Variants in BTBD9 observed in about 807,000 individuals in gnomAD.
The protein encoded by BTBD9 is BTB domain containing 9.
A neutral mutation model predicts 64.3 loss-of-function variants in BTBD9; 49 were observed. The ratio of observed to expected loss-of-function variants is 0.76; its 90% CI spans 0.61 to 0.97. The LOEUF (loss-of-function observed/expected upper bound fraction) is 0.97, where lower values mean the gene tolerates loss of function less well. BTBD9 is among the 50% of genes least tolerant of loss of function. The probability of loss-of-function intolerance (pLI) is 0.00; values close to 1 mark genes in which losing one functional copy is unlikely to be tolerated. For missense variants in BTBD9, 598 were observed against 762.1 expected (o/e 0.78, Z 2.53); for synonymous variants, 260 against 274.7 (o/e 0.95, Z 0.53).
intron 6 of BTBD9, among the ~76,000 whole-genome samples, chr6:38,406,173 A>G (rs1481250458): frequency 6.6e-6 from 1 of 152,240 alleles, no homozygotes; most frequent in African/African-American, 2.4e-5. Flanking sequence ...TCTGTAGGAC[A>G]GGGACCTAGC....
At chr6:38,238,490 T>TTTTTTC (rs1763872055) in intron 9 of BTBD9, among the ~76,000 whole-genome samples, 1 of 150,354 alleles carries the variant, frequency 6.7e-6, no homozygotes, top group Non-Finnish European at 1.5e-5. Flanking sequence ...TTTTTTTTTT[T>TTTTTTC]GAGACGGAGT....
At chr6:38,305,644 G>A (rs966251818) in intron 7 of BTBD9, among the ~76,000 whole-genome samples, 2 of 151,978 alleles carry the variant, frequency 1.3e-5, no homozygotes, top group Admixed American at 6.6e-5. Context: ...ACCACACCGG[G>A]CTAATTTTTT....
intron 6 of BTBD9, among the ~76,000 whole-genome samples, chr6:38,488,183 TC>T: frequency 6.6e-6 from 1 of 152,094 alleles, no homozygotes; most frequent in East Asian, 1.9e-4. Flanking sequence ...CCTCCTGGCT[TC>T]AAGCTATCCT....
At chr6:38,639,197 A>C (rs933526597) in intron 1 of BTBD9, among the ~76,000 whole-genome samples, 6 of 152,344 alleles carry the variant, frequency 3.9e-5, no homozygotes, top group Middle Eastern at 3.4e-3. Context: ...ACAATGTACT[A>C]AAACGCCAAG....
chr6:38,601,956 T>C (rs896633713), intron 1 of BTBD9, among the ~76,000 whole-genome samples: 6 of 152,132 alleles, frequency 3.9e-5, no homozygotes, highest in Non-Finnish European at 4.4e-5. Flanking sequence ...GCAAAACACA[T>C]GTAACATGTA....
chr6:38,582,638 G>C (rs1037027497), intron 4 of BTBD9, among the ~76,000 whole-genome samples: 2 of 151,956 alleles, frequency 1.3e-5, no homozygotes, highest in African/African-American at 4.8e-5. Flanking sequence ...AATTGCCTTA[G>C]ACCCAGAGGA....
At chr6:38,412,928 C>G (rs1767502727) in intron 6 of BTBD9, among the ~76,000 whole-genome samples, 1 of 152,156 alleles carries the variant, frequency 6.6e-6, no homozygotes, top group South Asian at 2.1e-4. Context: ...AATTCCCAGT[C>G]TAGCCCACTG....
At chr6:38,436,534 C>A (rs1174113610) in intron 6 of BTBD9, among the ~76,000 whole-genome samples, 2 of 151,642 alleles carry the variant, frequency 1.3e-5, no homozygotes, top group Non-Finnish European at 2.9e-5. Flanking sequence ...CGAAACCACG[C>A]CCAGCTAATT....
intron 1 of BTBD9, among the ~76,000 whole-genome samples, chr6:38,606,422 TAATAAGAA>T (rs922421665): frequency 1.3e-5 from 2 of 152,002 alleles, no homozygotes; most frequent in Non-Finnish European, 2.9e-5. Flanking sequence ...CACAAGCAAA[TAATAAGAA>T]AATGGCCAAT....
intron 9 of BTBD9, among the ~76,000 whole-genome samples, chr6:38,222,267 T>TG (rs1763229448): frequency 7.2e-6 from 1 of 138,988 alleles, no homozygotes; most frequent in Non-Finnish European, 1.6e-5. Flanking sequence ...GTTTTTTTTT[T>TG]TTTTTTTTTT....
chr6:38,351,498 A>ATTG (rs756187384), intron 6 of BTBD9, among the ~76,000 whole-genome samples: 31 of 130,588 alleles, frequency 2.4e-4, no homozygotes, highest in African/African-American at 8.1e-4. Flanking sequence ...CAAATATTTA[A>ATTG]TTGTTGTTGT....
At chr6:38,300,581 TG>T (rs1401487247) in intron 7 of BTBD9, among the ~76,000 whole-genome samples, 3 of 152,154 alleles carry the variant, frequency 2.0e-5, no homozygotes, top group African/African-American at 7.2e-5. Context: ...TCACATCCCT[TG>T]TAAGTTGGAT....
intron 7 of BTBD9, among the ~76,000 whole-genome samples, chr6:38,318,047 GC>G (rs966283744): frequency 2.7e-5 from 4 of 148,948 alleles, no homozygotes; most frequent in Admixed American, 1.4e-4. Flanking sequence ...CGATTCTCCT[GC>G]CTCACCTGGC....
intron 9 of BTBD9, among the ~76,000 whole-genome samples, chr6:38,212,212 A>C (rs1394071330): frequency 2.0e-5 from 3 of 152,198 alleles, no homozygotes; most frequent in Non-Finnish European, 4.4e-5. Flanking sequence ...CCCATGGTGC[A>C]GGCTCTGGGC....
At chr6:38,471,517 CT>C (rs2127368063) in intron 6 of BTBD9, among the ~76,000 whole-genome samples, 1 of 152,270 alleles carries the variant, frequency 6.6e-6, no homozygotes, top group South Asian at 2.1e-4. Flanking sequence ...GGTAACAAGT[CT>C]AAGTGACTTG....
rs145414391 is a variant in BTBD9 at position 38,454,029 on chromosome 6, T to C, written c.1155-108936A>G. 2.6e-3 allele frequency among the ~76,000 whole-genome samples: 393 copies of C among 152,222 alleles called. 4 individuals carry two copies. The highest frequency in any genetic ancestry group is 9.0e-3 in the African/African-American group (375 of 41,518). On this transcript the variant is annotated intron_variant, in intron 6 of 10. Coordinates refer to ENST00000481247, the MANE Select transcript of BTBD9 (RefSeq NM_001099272.2). ...ATAGAAAAATAAATGCTAGGAAGTG[T>C]TTCAAAGGAGATCAAAAGGTGCAGT...
intron 1 of BTBD9, among the ~76,000 whole-genome samples, chr6:38,610,957 A>T (rs1777599778): frequency 6.6e-6 from 1 of 152,090 alleles, no homozygotes. Flanking sequence ...GTGAATGGAA[A>T]ATATATTACA....
intron 6 of BTBD9, chr6:38,403,019 G>C: frequency 5.2e-6 from 2 of 387,544 alleles, no homozygotes; most frequent in Non-Finnish European, 4.8e-6. Flanking sequence ...GCTGCAGTGA[G>C]CTATCATTGC....
intron 7 of BTBD9, among the ~76,000 whole-genome samples, chr6:38,323,927 G>A (rs1336759476): frequency 1.3e-5 from 2 of 151,998 alleles, no homozygotes; most frequent in African/African-American, 4.8e-5. Context: ...AGCAGACTCT[G>A]TCTCTACACT....
Sources: allele counts gnomAD v4.1 joint callset (sites outside exome capture counted in the v4.1 genomes callset), GRCh38; gene constraint gnomAD v4.1.1; transcripts MANE v1.5; gene names NCBI Gene and HGNC (gene_info 2026-07-23, HGNC 2026-07-21).